SYNDIG1: variants seen among roughly 807,000 people sequenced by gnomAD.
SYNDIG1 encodes the protein synapse differentiation-inducing gene protein 1.
SYNDIG1 carries 9 observed loss-of-function variants against 19.4 expected under a neutral mutation model. The observed-to-expected ratio is 0.46, with a 90% CI of 0.28 to 0.81. The LOEUF (loss-of-function observed/expected upper bound fraction) is 0.81. SYNDIG1 is among the 30% of genes least tolerant of loss of function. The pLI is 0.12. For missense variants in SYNDIG1, 311 were observed against 343.3 expected (o/e 0.91, Z 0.74); for synonymous variants, 141 against 145.9 (o/e 0.97, Z 0.24).
chr20:24,630,255 G>A (rs742803), intron 3 of SYNDIG1, among the ~76,000 whole-genome samples: 24,545 of 152,076 alleles, frequency 0.16, 2,259 homozygotes, highest in African/African-American at 0.24. Context: ...CACAGGAGTG[G>A]TCCGTGTTAA....
intron 3 of SYNDIG1, among the ~76,000 whole-genome samples, chr20:24,614,891 T>C (rs971041569): frequency 6.6e-6 from 1 of 152,198 alleles, no homozygotes; most frequent in African/African-American, 2.4e-5. Context: ...CAATACCTTA[T>C]AGTTTGGACC....
At chr20:24,660,931 A>C (rs1177255955) in intron 3 of SYNDIG1, among the ~76,000 whole-genome samples, 1 of 152,236 alleles carries the variant, frequency 6.6e-6, no homozygotes, top group Admixed American at 6.5e-5. Flanking sequence ...CAGAGTCTCC[A>C]GGTAGGAACC....
At chr20:24,566,581 A>G (rs561320238) in intron 2 of SYNDIG1, among the ~76,000 whole-genome samples, 6 of 152,310 alleles carry the variant, frequency 3.9e-5, no homozygotes, top group African/African-American at 1.4e-4. Context: ...TGTTCTGATT[A>G]CATTTGGCTG....
intron 1 of SYNDIG1, among the ~76,000 whole-genome samples, chr20:24,473,557 C>T (rs75392497): frequency 0.016 from 2,451 of 152,204 alleles, 44 homozygotes; most frequent in Admixed American, 0.054. Context: ...ATTCAGTGCC[C>T]TCATGGTTGC....
At chr20:24,542,655 C>A (rs2057490248) in intron 1 of SYNDIG1, among the ~76,000 whole-genome samples, 1 of 152,192 alleles carries the variant, frequency 6.6e-6, no homozygotes, top group Admixed American at 6.5e-5. Flanking sequence ...TACAGATTTG[C>A]AGTTCTGTTT....
At chr20:24,572,897 A>G (rs538002993) in intron 2 of SYNDIG1, among the ~76,000 whole-genome samples, 8 of 152,288 alleles carry the variant, frequency 5.3e-5, no homozygotes, top group African/African-American at 1.9e-4. Context: ...TGGTGCTCAT[A>G]AGAAGCTCAG....
intron 3 of SYNDIG1, among the ~76,000 whole-genome samples, chr20:24,650,458 C>T (rs117053763): frequency 0.01 from 1,564 of 152,348 alleles, 11 homozygotes; most frequent in South Asian, 0.042. Context: ...GCAGTCATCA[C>T]GTACGTAGTC....
intron 3 of SYNDIG1, among the ~76,000 whole-genome samples, chr20:24,616,849 C>T (rs1320474304): frequency 6.6e-6 from 1 of 152,206 alleles, no homozygotes; most frequent in Non-Finnish European, 1.5e-5. Flanking sequence ...GAGCTACTGT[C>T]GCCAGGCAGG....
At chr20:24,482,001 G>T (rs764627018) in intron 1 of SYNDIG1, among the ~76,000 whole-genome samples, 1 of 152,000 alleles carries the variant, frequency 6.6e-6, no homozygotes, top group South Asian at 2.1e-4. Context: ...AAATTGGAAC[G>T]CATATAATAA....
In SYNDIG1 at chr20:24,493,916, G is replaced by A. The variant is rs1306804953; in HGVS notation, c.-79+24163G>A. Among the ~76,000 whole-genome samples the A allele has an allele frequency of 1.1e-4, 17 of 152,188 alleles. 1 individual carries two copies. Among genetic ancestry groups the A allele is most frequent in the Admixed American group, 1.0e-3 (16 of 15,290 alleles). Reference sequence around the variant, plus strand: ...GAGAAGGAAGAAAAGATAAAGGAAGGGTCTTGGAGTCATCCCAACGTGTGG... The same window carrying A: ...GAGAAGGAAGAAAAGATAAAGGAAGAGTCTTGGAGTCATCCCAACGTGTGG... On this transcript the variant is annotated intron_variant, in intron 1 of 3. Transcript: ENST00000376862.
chr20:24,582,876 G>A (rs373272014), intron 2 of SYNDIG1, among the ~76,000 whole-genome samples: 2 of 152,224 alleles, frequency 1.3e-5, no homozygotes, highest in South Asian at 4.1e-4. Context: ...TGCCCAGCAG[G>A]AGGGGCGAGG....
intron 2 of SYNDIG1, among the ~76,000 whole-genome samples, chr20:24,548,090 G>A (rs975217616): frequency 1.3e-5 from 2 of 152,136 alleles, no homozygotes; most frequent in Admixed American, 6.5e-5. Context: ...CTTGGCCATC[G>A]AATCCTCGAA....
At chr20:24,496,955 G>C (rs2056319069) in intron 1 of SYNDIG1, among the ~76,000 whole-genome samples, 1 of 152,074 alleles carries the variant, frequency 6.6e-6, no homozygotes, top group Non-Finnish European at 1.5e-5. Flanking sequence ...TGAGTTTCTA[G>C]ATCCAGCCTT....
intron 2 of SYNDIG1, among the ~76,000 whole-genome samples, chr20:24,580,081 C>T (rs993721247): frequency 2.0e-5 from 3 of 152,226 alleles, no homozygotes; most frequent in African/African-American, 7.2e-5. Context: ...TAGCTCAAAA[C>T]TATGGGACCT....
At chr20:24,595,725 TTG>T (rs1378022440) in intron 3 of SYNDIG1, among the ~76,000 whole-genome samples, 2 of 152,194 alleles carry the variant, frequency 1.3e-5, no homozygotes, top group Non-Finnish European at 2.9e-5. Context: ...TTGGGAGATT[TTG>T]TGTTTCCAGC....
chr20:24,656,823 T>G (rs1166675100), intron 3 of SYNDIG1, among the ~76,000 whole-genome samples: 1 of 152,210 alleles, frequency 6.6e-6, no homozygotes, highest in Non-Finnish European at 1.5e-5. Context: ...CAGATGTTTA[T>G]CCCCTCCGAA....
At chr20:24,590,737 G>C (rs1444428783) in intron 3 of SYNDIG1, among the ~76,000 whole-genome samples, 1 of 152,174 alleles carries the variant, frequency 6.6e-6, no homozygotes, top group Non-Finnish European at 1.5e-5. Context: ...CCTCTGCGTG[G>C]AGGCACTGAA....
intron 2 of SYNDIG1, among the ~76,000 whole-genome samples, chr20:24,544,430 T>C (rs1173919638): frequency 6.6e-6 from 1 of 152,154 alleles, no homozygotes; most frequent in Non-Finnish European, 1.5e-5. Flanking sequence ...GCCGAGCAGG[T>C]CCAACCTTCA....
rs555267737 is a variant in SYNDIG1 at position 24,600,514 on chromosome 20, T to A, written c.618+15521T>A. On this transcript the variant is annotated intron_variant, in intron 3 of 3. Coordinates refer to ENST00000376862, the MANE Select transcript of SYNDIG1 (RefSeq NM_024893.3). ...CCTCCCCACCCAGTGACCACTGGAA[T>A]GACCTCCACAGAACACACTTTTCTT... is the stretch of plus-strand genomic sequence containing the variant. Among the ~76,000 whole-genome samples, 6 of 152,222 alleles carry A rather than the reference T, an allele frequency of 3.9e-5. No homozygotes were observed. The East Asian group carries it at 9.7e-4, about 25-fold the overall frequency.
Sources: allele counts gnomAD v4.1 joint callset (sites outside exome capture counted in the v4.1 genomes callset), GRCh38; gene constraint gnomAD v4.1.1; transcripts MANE v1.5; gene names NCBI Gene and HGNC (gene_info 2026-07-23, HGNC 2026-07-21).